CHRM3: variants seen among roughly 807,000 people sequenced by gnomAD.
CHRM3 encodes the protein muscarinic acetylcholine receptor M3.
In CHRM3, 11 loss-of-function variants were observed where a neutral mutation model predicts 41.8. The ratio of observed to expected loss-of-function variants is 0.26; its 90% CI spans 0.17 to 0.44. The LOEUF is 0.44. Ranked by LOEUF, CHRM3 falls within the 20% of genes least tolerant of loss-of-function variation. The pLI is 1.00. For missense variants in CHRM3, 571 were observed against 745.4 expected, an observed-to-expected ratio of 0.77 and a Z score of 2.72; for synonymous variants, 297 against 301.4, an observed-to-expected ratio of 0.99 and a Z score of 0.15.
chr1:239,740,100 G>A (rs770776716), intron 5 of CHRM3, among the ~76,000 whole-genome samples: 8 of 152,136 alleles, frequency 5.3e-5, no homozygotes, highest in Non-Finnish European at 1.0e-4. Flanking sequence ...CCTGCTGTGA[G>A]ATATTTGGGT....
chr1:239,522,067 G>T (rs1669686177), intron 2 of CHRM3, among the ~76,000 whole-genome samples: 1 of 151,948 alleles, frequency 6.6e-6, no homozygotes, highest in South Asian at 2.1e-4. Context: ...TCTTCTTACA[G>T]GGTGATGAAG....
At chr1:239,467,899 A>ACC (rs540183012) in intron 1 of CHRM3, among the ~76,000 whole-genome samples, 24 of 129,262 alleles carry the variant, frequency 1.9e-4, no homozygotes, top group East Asian at 4.3e-4. Context: ...AATTTTCCCT[A>ACC]CCCCCCCCCA....
chr1:239,907,500 A>G lies in CHRM3; in HGVS notation c.49A>G (p.Ser17Gly). ...STTSPLFPNI[S>G]SSWIHSPSDA... ...AACCTCGCCTTTGTTTCCAAACATCAGCTCCTCCTGGATACACAGCCCCTC... is the reference window on the plus strand; with the variant it reads ...AACCTCGCCTTTGTTTCCAAACATCGGCTCCTCCTGGATACACAGCCCCTC... Residue 17 changes from serine to glycine, a missense_variant, in exon 7 of 7, where the codon AGC becomes GGC. Ser to Gly is a moderately conservative substitution (Grantham distance 56). This residue lies in a region of CHRM3 where 92 missense variants were observed against 76.1 expected (regional missense o/e 1.21). Coordinates refer to ENST00000676153, the MANE Select transcript of CHRM3 (RefSeq NM_001375978.1). The surrounding 1 kb of genome is among the most constrained non-coding windows in gnomAD (Gnocchi z 5.4). 1 of 1,614,124 alleles carries G rather than the reference A, an allele frequency of 6.2e-7. No individual in the cohort carries two copies. Among genetic ancestry groups the G allele is most frequent in the Non-Finnish European group, 8.5e-7 (1 of 1,180,034 alleles).
chr1:239,649,224 G>A (rs149677963), intron 4 of CHRM3, among the ~76,000 whole-genome samples: 304 of 152,126 alleles, frequency 2.0e-3, no homozygotes, highest in African/African-American at 6.8e-3. Flanking sequence ...CATTAAAGAG[G>A]CCCAAGAGAG....
At chr1:239,718,632 A>G (rs1440415705) in intron 5 of CHRM3, among the ~76,000 whole-genome samples, 1 of 151,790 alleles carries the variant, frequency 6.6e-6, no homozygotes, top group African/African-American at 2.4e-5. Flanking sequence ...GCCTACTTGC[A>G]TAGTTCTAAG....
intron 1 of CHRM3, among the ~76,000 whole-genome samples, chr1:239,393,872 A>C (rs1659255705): frequency 6.6e-6 from 1 of 152,214 alleles, no homozygotes; most frequent in Admixed American, 6.5e-5. Context: ...AATATATAAT[A>C]AATACATGTT....
At chr1:239,469,246 C>T (rs1665941948) in intron 1 of CHRM3, among the ~76,000 whole-genome samples, 1 of 152,198 alleles carries the variant, frequency 6.6e-6, no homozygotes, top group Non-Finnish European at 1.5e-5. Flanking sequence ...TTCCTGTCTC[C>T]ACCCAGAATT....
chr1:239,896,196 C>T (rs907610789), intron 6 of CHRM3, among the ~76,000 whole-genome samples: 8 of 152,282 alleles, frequency 5.3e-5, no homozygotes, highest in East Asian at 3.9e-4. Flanking sequence ...GGGACATAGG[C>T]TCTTCCCTCT....
chr1:239,618,796 A>G (rs1367037485), intron 3 of CHRM3, among the ~76,000 whole-genome samples: 2 of 143,006 alleles, frequency 1.4e-5, no homozygotes, highest in Non-Finnish European at 3.0e-5. Flanking sequence ...GTGAGCCGAG[A>G]TCGCGCCCCT....
In CHRM3 at chr1:239,571,157, G is replaced by A. The variant is rs73120645; in HGVS notation, c.-313+25408G>A. On this transcript the variant is annotated intron_variant, in intron 3 of 6. Transcript: ENST00000676153. ...ATGACATCATAATAATGGAGATTAA[G>A]TGGCTGCCAGTTAAAAAGGTGACCA... 8.5e-3 allele frequency among the ~76,000 whole-genome samples: 1,300 copies of A among 152,200 alleles called. 42 individuals are homozygous for A. In the East Asian group the frequency reaches 0.11, roughly 13 times the overall value.
chr1:239,700,345 A>G (rs1000315990), intron 5 of CHRM3, among the ~76,000 whole-genome samples: 11 of 152,176 alleles, frequency 7.2e-5, no homozygotes, highest in African/African-American at 2.7e-4. Flanking sequence ...CAGCATGAGT[A>G]CGTTCAGTGA....
chr1:239,908,634 G>A lies in CHRM3; in HGVS notation c.1183G>A (p.Glu395Lys), dbSNP rs1444936983. The change falls in exon 7 of 7, where the codon GAG becomes AAG. Residue 395 changes from glutamate (E) to lysine (K), a missense_variant. Around this residue, in one of 5 missense-constraint regions of CHRM3, gnomAD observed 239 missense variants for 239.6 expected, o/e 1.00. Transcript: ENST00000676153. This position sits in a 1 kb window ranked among gnomAD's most constrained non-coding sequence, Gnocchi z 7.2. ...SSDNLQVPEE[E>K]LGMVDLERKA... is the part of the protein sequence containing the mutation. ...GGACAACCTGCAGGTGCCTGAGGAG[G>A]AGCTGGGGATGGTGGACTTGGAGAG... 7 of 1,611,484 alleles carry A rather than the reference G, an allele frequency of 4.3e-6. No individual in the cohort carries two copies. The highest frequency in any genetic ancestry group is 5.9e-6 in the Non-Finnish European group (7 of 1,178,930).
Position 239,911,454 on chromosome 1 carries a change from G to C in CHRM3, c.*2230G>C, listed in dbSNP as rs2103065469. On this transcript the variant is annotated 3_prime_UTR_variant, in exon 7 of 7. Transcript: ENST00000676153. ...GTTGGCCTGGCACTAATAAATATGT[G>C]AAAGCTTATTCAAGTGTCCCAGTAC... The C allele has an allele frequency of 6.0e-6, 1 of 166,678 alleles. No homozygotes were observed. Among genetic ancestry groups the C allele is most frequent in the Admixed American group, 6.6e-5 (1 of 15,234 alleles). The allele number at this position is 166,678 out of a possible 1,614,324, so 10.3% of individuals were successfully genotyped here.
intron 6 of CHRM3, among the ~76,000 whole-genome samples, chr1:239,866,299 C>G (rs1676096281): frequency 1.3e-5 from 2 of 152,044 alleles, no homozygotes; most frequent in Non-Finnish European, 2.9e-5. Flanking sequence ...ATGGCGTGAA[C>G]CCGGGAGGCG....
At chr1:239,825,614 G>A (rs914202631) in intron 5 of CHRM3, among the ~76,000 whole-genome samples, 9 of 152,114 alleles carry the variant, frequency 5.9e-5, no homozygotes, top group African/African-American at 7.2e-5. Flanking sequence ...CCCAAAAGAC[G>A]GAAGCAACCT....
intron 3 of CHRM3, among the ~76,000 whole-genome samples, chr1:239,593,755 A>G (rs1390798943): frequency 6.6e-6 from 1 of 152,200 alleles, no homozygotes; most frequent in African/African-American, 2.4e-5. Context: ...TGCCTGACAT[A>G]TTACCACATC....
intron 2 of CHRM3, among the ~76,000 whole-genome samples, chr1:239,512,237 C>T (rs983798278): frequency 1.3e-5 from 2 of 152,190 alleles, no homozygotes; most frequent in Non-Finnish European, 2.9e-5. Flanking sequence ...ACTGTCAAGT[C>T]CTGGTTTTCA....
At chr1:239,569,527 TGTCA>T (rs762651062) in intron 3 of CHRM3, among the ~76,000 whole-genome samples, 1 of 152,222 alleles carries the variant, frequency 6.6e-6, no homozygotes, top group Non-Finnish European at 1.5e-5. Context: ...AAGTTCGTTG[TGTCA>T]GTCAATTTGC....
chr1:239,633,285 T>A (rs1384514871), intron 4 of CHRM3, among the ~76,000 whole-genome samples: 1 of 152,076 alleles, frequency 6.6e-6, no homozygotes, highest in African/African-American at 2.4e-5. Flanking sequence ...ATGACTTACA[T>A]AGCGGCAGGA....
Sources: allele counts gnomAD v4.1 joint callset (sites outside exome capture counted in the v4.1 genomes callset), GRCh38; gene constraint gnomAD v4.1.1; regional missense constraint gnomAD v4.1.1; non-coding constraint Gnocchi (gnomAD v3.1); transcripts MANE v1.5; gene names NCBI Gene and HGNC (gene_info 2026-07-23, HGNC 2026-07-21).